CXCL13: variants seen among roughly 807,000 people sequenced by gnomAD.
The protein encoded by CXCL13 is C-X-C motif chemokine 13.
CXCL13 carries 7 observed loss-of-function variants against 12.2 expected under a neutral mutation model. The ratio of observed to expected loss-of-function variants is 0.57; its 90% CI spans 0.33 to 1.07. The LOEUF (loss-of-function observed/expected upper bound fraction) is 1.07, where lower values mean the gene tolerates loss of function less well. CXCL13 is among the 50% of genes least tolerant of loss of function. The pLI is 0.04. For missense variants in CXCL13, 113 were observed against 127.4 expected, an observed-to-expected ratio of 0.89 and a Z score of 0.55; for synonymous variants, 47 against 42.4, an observed-to-expected ratio of 1.11 and a Z score of -0.42.
intron 3 of CXCL13, 133 bp downstream of exon 3, chr4:77,610,827 T>C (rs936124223): frequency 7.7e-6 from 7 of 911,490 alleles, no homozygotes; most frequent in South Asian, 7.2e-5. Flanking sequence ...TTCACTGTTA[T>C]TGCTTATCAG....
intron 1 of CXCL13, among the ~76,000 whole-genome samples, chr4:77,577,901 A>G (rs1726232948): frequency 1.3e-5 from 2 of 152,024 alleles, no homozygotes; most frequent in Admixed American, 1.3e-4. Context: ...GACTCCTTTG[A>G]AAAAACCTCC....
At chr4:77,554,222 T>G (rs890763260) in intron 1 of CXCL13, among the ~76,000 whole-genome samples, 3 of 152,116 alleles carry the variant, frequency 2.0e-5, no homozygotes, top group East Asian at 1.9e-4. Context: ...GTAGTGAGAT[T>G]ATTATTATAT....
At chr4:77,562,520 C>G (rs1303508728) in intron 1 of CXCL13, among the ~76,000 whole-genome samples, 1 of 152,108 alleles carries the variant, frequency 6.6e-6, no homozygotes, top group Non-Finnish European at 1.5e-5. Context: ...CATTCTGTAT[C>G]TGGCTAATCT....
chr4:77,512,752 C>T (rs1724306474), intron 1 of CXCL13, among the ~76,000 whole-genome samples: 1 of 152,082 alleles, frequency 6.6e-6, no homozygotes, highest in South Asian at 2.1e-4. Context: ...CAATTTAACC[C>T]AGAACATTAC....
chr4:77,536,041 C>A (rs938533789), intron 1 of CXCL13, among the ~76,000 whole-genome samples: 2 of 152,164 alleles, frequency 1.3e-5, no homozygotes, highest in African/African-American at 4.8e-5. Context: ...TAACCTCACT[C>A]CCCTCCCTCT....
chr4:77,562,052 C>G (rs1441150697), intron 1 of CXCL13, among the ~76,000 whole-genome samples: 1 of 152,198 alleles, frequency 6.6e-6, no homozygotes, highest in Non-Finnish European at 1.5e-5. Flanking sequence ...CCCAGCAGTG[C>G]TGGCCCACCA....
chr4:77,551,444 G>A (rs895847676), intron 1 of CXCL13, among the ~76,000 whole-genome samples: 51 of 152,240 alleles, frequency 3.3e-4, no homozygotes, highest in African/African-American at 1.2e-3. Context: ...CCTGAAAATA[G>A]GCCACCAATC....
At chr4:77,569,308 A>G (rs1726008993) in intron 1 of CXCL13, among the ~76,000 whole-genome samples, 1 of 152,248 alleles carries the variant, frequency 6.6e-6, no homozygotes, top group Admixed American at 6.5e-5. Context: ...CCAAATAGGA[A>G]GAGAGGAAGT....
chr4:77,551,786 A>G lies in CXCL13; in HGVS notation c.-43+39998A>G, dbSNP rs191740547. On this transcript the variant is annotated intron_variant, in intron 1 of 4. Coordinates refer to the CXCL13 transcript ENST00000286758. ...TTCTCAAAGACTTTGTTTATTTTTT[A>G]AATTCTTTTTTCTGTATTTTTGTCT... Among the ~76,000 whole-genome samples the G allele has an allele frequency of 6.6e-4, 100 of 151,920 alleles. 1 individual carries two copies. The South Asian group carries it at 8.5e-3, about 13-fold the overall frequency.
intron 1 of CXCL13, among the ~76,000 whole-genome samples, chr4:77,587,395 G>A (rs897748738): frequency 2.6e-5 from 4 of 152,166 alleles, no homozygotes; most frequent in Non-Finnish European, 5.9e-5. Context: ...AAGCTGTAAG[G>A]TTTGCTCTCT....
intron 1 of CXCL13, among the ~76,000 whole-genome samples, chr4:77,571,097 G>A (rs1001535585): frequency 1.3e-5 from 2 of 152,018 alleles, no homozygotes; most frequent in African/African-American, 4.9e-5. Flanking sequence ...CCCCGGTGTG[G>A]GATCCACTGG....
rs1243535648 is a variant in CXCL13, at chr4:77,515,791, C to T, written c.-43+4003C>T. Among the ~76,000 whole-genome samples the T allele has an allele frequency of 2.0e-5, 3 of 152,174 alleles. No individual in the cohort carries two copies. The East Asian group carries it at 5.8e-4, about 29-fold the overall frequency. On this transcript the variant is annotated intron_variant, in intron 1 of 4. Coordinates refer to the CXCL13 transcript ENST00000286758. ...GACTTCCTCTTTTCCTAACTGAATA[C>T]CCTTTATTTCCTTCTCCTGACTAAT... is the stretch of plus-strand genomic sequence containing the variant.
intron 1 of CXCL13, among the ~76,000 whole-genome samples, chr4:77,560,179 A>T (rs1725772662): frequency 6.6e-6 from 1 of 152,064 alleles, no homozygotes; most frequent in Non-Finnish European, 1.5e-5. Context: ...TTCATGAATG[A>T]TCTCATTTAA....
At chr4:77,526,807 T>C (rs906883896) in intron 1 of CXCL13, among the ~76,000 whole-genome samples, 3 of 152,106 alleles carry the variant, frequency 2.0e-5, no homozygotes, top group Admixed American at 2.0e-4. Context: ...CCAGGGAGCC[T>C]TTCGTGAAGA....
intron 1 of CXCL13, among the ~76,000 whole-genome samples, chr4:77,565,824 G>A (rs1725915141): frequency 6.6e-6 from 1 of 152,202 alleles, no homozygotes; most frequent in Non-Finnish European, 1.5e-5. Context: ...AAAAATTGAT[G>A]GAAGAATGGC....
chr4:77,563,428 C>T (rs1363083069), intron 1 of CXCL13, among the ~76,000 whole-genome samples: 1 of 152,216 alleles, frequency 6.6e-6, no homozygotes, highest in Non-Finnish European at 1.5e-5. Flanking sequence ...TAATAATGCA[C>T]CTTTTATTAA....
intron 1 of CXCL13, among the ~76,000 whole-genome samples, chr4:77,559,769 A>C (rs1725758171): frequency 6.6e-6 from 1 of 151,928 alleles, no homozygotes; most frequent in Non-Finnish European, 1.5e-5. Flanking sequence ...AAAAATACAA[A>C]AAATTAGTCG....
chr4:77,518,702 T>A (rs1232055871), intron 1 of CXCL13, among the ~76,000 whole-genome samples: 2 of 152,188 alleles, frequency 1.3e-5, no homozygotes, highest in Non-Finnish European at 2.9e-5. Flanking sequence ...TCGTCTAAAT[T>A]TTTTTCTAAG....
intron 1 of CXCL13, among the ~76,000 whole-genome samples, chr4:77,588,592 T>A (rs2650916): frequency 0.089 from 13,515 of 152,234 alleles, 1,663 homozygotes; most frequent in African/African-American, 0.27. Context: ...GCATGTGTAT[T>A]TGTCAACAGT....
Sources: gnomAD v4.1 joint callset for allele counts (sites outside exome capture counted in the v4.1 genomes callset) on GRCh38, gnomAD v4.1.1 for gene constraint, MANE v1.5 for transcripts, NCBI Gene and HGNC (gene_info 2026-07-23, HGNC 2026-07-21) for gene names.